MAP2: variants seen among roughly 807,000 people sequenced by gnomAD.
MAP2 encodes the protein microtubule associated protein 2.
A neutral mutation model predicts 137.6 loss-of-function variants in MAP2; 14 were observed. That is an observed-to-expected ratio of 0.10 (90% CI 0.07 to 0.16). The LOEUF is 0.16. Ranked by LOEUF, MAP2 falls within the 10% of genes least tolerant of loss-of-function variation. The pLI, the probability that MAP2 is intolerant of heterozygous loss-of-function variation, is 1.00. For synonymous variants in MAP2, 786 were observed against 782.3 expected (o/e 1.00, Z -0.08); for missense variants, 2,088 against 2,191.5 (o/e 0.95, Z 0.94).
chr2:209,507,091 G>A (rs1468761135), intron 1 of MAP2, among the ~76,000 whole-genome samples: 1 of 152,020 alleles, frequency 6.6e-6, no homozygotes, highest in East Asian at 1.9e-4. Context: ...TCTTTTATAG[G>A]GGCAGTAATC....
At chr2:209,696,473 G>C (rs2060217141) in intron 8 of MAP2, 69 bp from the exon 9 acceptor site, 2 of 1,494,630 alleles carry the variant, frequency 1.3e-6, no homozygotes, top group East Asian at 2.3e-5. Context: ...AATATACAAA[G>C]GATTTTGTAC....
At position 209,695,079 on chromosome 2, in the gene MAP2, A is replaced by G; in HGVS notation, c.2909A>G (p.His970Arg). The G allele has an allele frequency of 6.2e-7, 1 of 1,614,192 alleles. No homozygotes were observed. Among genetic ancestry groups the G allele is most frequent in the Non-Finnish European group, 8.5e-7 (1 of 1,180,032 alleles). Residue 970 changes from histidine (H) to arginine (R), a missense_variant, in exon 8 of 16, where the codon CAT (histidine) becomes CGT (arginine). Around this residue, in one of 6 missense-constraint regions of MAP2, gnomAD observed 500 missense variants for 482.9 expected, o/e 1.04. Transcript: ENST00000682079. The part of the protein sequence containing the change: ...LDTVLEKSEE[H>R]ADSKEHAKKT... ...ACTGTACTAGAAAAGAGTGAAGAAC[A>G]TGCTGATTCAAAAGAACATGCCAAG...
At chr2:209,682,535 C>A (rs1166670654) in intron 7 of MAP2, among the ~76,000 whole-genome samples, 1 of 151,842 alleles carries the variant, frequency 6.6e-6, no homozygotes, top group African/African-American at 2.4e-5. Context: ...GAACAGAAAT[C>A]CAATAAATAA....
chr2:209,500,975 C>G lies in MAP2; in HGVS notation c.-221-6617C>G, dbSNP rs373426021. 2.8e-5 allele frequency among the ~76,000 whole-genome samples: 4 copies of G among 141,350 alleles called. No homozygotes were observed. In the East Asian group the frequency reaches 8.6e-4, roughly 31 times the overall value. 92.7% of individuals were successfully genotyped at this position (141,350 alleles called of 152,430 possible). A position where few individuals can be genotyped will look rare whatever the true frequency, so the allele number is the denominator to read the frequency against. On this transcript the variant is annotated intron_variant, in intron 1 of 15. Coordinates refer to ENST00000682079, the MANE Select transcript of MAP2 (RefSeq NM_001375505.1). ...TCATCTGAGGCTGGGGAGGTCGAGACTGGAGTGAGCCATGATCATTCCAAT... is the reference window on the plus strand; with the variant it reads ...TCATCTGAGGCTGGGGAGGTCGAGAGTGGAGTGAGCCATGATCATTCCAAT...
At chr2:209,659,732 T>TAA (rs200809577) in intron 5 of MAP2, among the ~76,000 whole-genome samples, 51 of 143,614 alleles carry the variant, frequency 3.6e-4, no homozygotes, top group Admixed American at 1.8e-3. Flanking sequence ...TGAACACTAG[T>TAA]AAAAAAAAAA....
At chr2:209,433,248 T>A (rs1272785401) in intron 1 of MAP2, among the ~76,000 whole-genome samples, 2 of 152,046 alleles carry the variant, frequency 1.3e-5, no homozygotes, top group Admixed American at 6.6e-5. Context: ...ACAATAAACA[T>A]ATATAATAGA....
rs1222673534 is a variant in MAP2 at position 209,693,813 on chromosome 2, A to T, written c.1643A>T (p.Glu548Val). 6.2e-7 allele frequency: 1 copy of T among 1,614,088 alleles called. No individual in the cohort carries two copies. Residue 548 changes from glutamate to valine, a missense_variant, in exon 8 of 16, where the codon GAA becomes GTA. This residue lies in a region of MAP2 where 859 missense variants were observed against 794.5 expected (regional missense o/e 1.08). Transcript: ENST00000682079. ...AGAGTTGATGACAAAGATAAGATTGAAGGAGTTGGAGCTGCAACATCAGCT... is the reference window on the plus strand; with the variant it reads ...AGAGTTGATGACAAAGATAAGATTGTAGGAGTTGGAGCTGCAACATCAGCT... ...EMRVDDKDKIEGVGAATSAEL... is the reference protein window; with the variant it reads ...EMRVDDKDKIVGVGAATSAEL...
intron 3 of MAP2, among the ~76,000 whole-genome samples, chr2:209,591,308 G>A (rs1432900206): frequency 9.2e-5 from 14 of 152,190 alleles, no homozygotes; most frequent in Non-Finnish European, 2.9e-5. Flanking sequence ...GACATCTAAT[G>A]ATTAGAGGTG....
At chr2:209,441,739 C>T (rs993745795) in intron 1 of MAP2, among the ~76,000 whole-genome samples, 2 of 151,614 alleles carry the variant, frequency 1.3e-5, no homozygotes, top group African/African-American at 4.8e-5. Context: ...ACACAACCCA[C>T]TGATTGTCTA....
rs560750629 is a variant in MAP2, at chr2:209,621,152, G to A, written c.-106-3901G>A. 3.3e-5 allele frequency among the ~76,000 whole-genome samples: 5 copies of A among 151,226 alleles called. No homozygotes were observed. In the East Asian group the frequency reaches 1.0e-3, roughly 30 times the overall value. The stretch of plus-strand genomic sequence containing the variant: ...GGAGGTTGCAGTGAGCCGAGATCAC[G>A]CCATTGCACTCTAGCCTGGCAGCCT... On this transcript the variant is annotated intron_variant, in intron 3 of 15. Transcript: ENST00000682079.
At position 209,695,347 on chromosome 2, in the gene MAP2, G is replaced by A. The variant is rs202114371; in HGVS notation, c.3177G>A (p.Gly1059=). The stretch of plus-strand genomic sequence containing the variant: ...GTGACTTTGGACAGATGGCTTCAGG[G>A]CTAAACATAGATGATAGAAGGGCAA... ...KISDFGQMAS[G]LNIDDRRATE... Residue 1059 remains glycine (G), a synonymous_variant, in exon 8 of 16, where the codon GGG becomes GGA. Coordinates refer to ENST00000682079, the MANE Select transcript of MAP2 (RefSeq NM_001375505.1). 61 of 1,613,936 alleles carry A rather than the reference G, an allele frequency of 3.8e-5. 1 individual carries two copies. The highest frequency in any genetic ancestry group is 1.7e-4 in the Middle Eastern group (1 of 6,056).
At position 209,653,280 on chromosome 2, in the gene MAP2, C is replaced by T. The variant is rs1369482394; in HGVS notation, c.110C>T (p.Ala37Val). ...HPPEIKDQGG[A>V]GEGLVRSANG... ...CCTGAGATTAAGGATCAAGGCGGAG[C>T]AGGGGAAGGACTTGTCCGAAGCGCC... is the stretch of plus-strand genomic sequence containing the variant. The change falls in exon 5 of 16, where the codon GCA becomes GTA. Residue 37 changes from alanine to valine, a missense_variant. Transcript: ENST00000682079. 8.7e-6 allele frequency: 14 copies of T among 1,614,022 alleles called. No homozygotes were observed. Among genetic ancestry groups the T allele is most frequent in the African/African-American group, 1.3e-5 (1 of 74,926 alleles).
intron 1 of MAP2, among the ~76,000 whole-genome samples, chr2:209,434,777 G>T (rs1695244964): frequency 6.8e-6 from 1 of 148,134 alleles, no homozygotes; most frequent in Non-Finnish European, 1.5e-5. Context: ...AGCTATGATT[G>T]TGCCACTGTA....
intron 12 of MAP2, among the ~76,000 whole-genome samples, 159 bp from the exon 13 acceptor site, chr2:209,709,755 G>C (rs534724718): frequency 1.3e-5 from 2 of 152,214 alleles, no homozygotes; most frequent in East Asian, 3.9e-4. Context: ...CCTGATTTCA[G>C]AAACGAGACT....
intron 3 of MAP2, among the ~76,000 whole-genome samples, chr2:209,614,470 T>C (rs1286083759): frequency 5.3e-5 from 8 of 152,282 alleles, no homozygotes; most frequent in Middle Eastern, 3.4e-3. Flanking sequence ...ATCATGTATA[T>C]TTCCAAGATT....
At chr2:209,595,793 A>C (rs2081118525) in intron 3 of MAP2, among the ~76,000 whole-genome samples, 1 of 152,256 alleles carries the variant, frequency 6.6e-6, no homozygotes, top group Non-Finnish European at 1.5e-5. Flanking sequence ...GGATGAGTTC[A>C]TGTCCTTTGC....
At chr2:209,696,521 A>G (rs2060233064) in intron 8 of MAP2, 21 bp from the exon 9 acceptor site, 5 of 1,583,504 alleles carry the variant, frequency 3.2e-6, no homozygotes, top group Non-Finnish European at 4.3e-6. Flanking sequence ...TGTTGTTGTC[A>G]TGATTTGCTT....
intron 1 of MAP2, among the ~76,000 whole-genome samples, chr2:209,502,803 T>C (rs1259921886): frequency 2.0e-5 from 3 of 152,154 alleles, no homozygotes; most frequent in Non-Finnish European, 4.4e-5. Context: ...AGCTATCTCA[T>C]TGTGGTTTTG....
At chr2:209,455,142 A>G (rs1234359510) in intron 1 of MAP2, among the ~76,000 whole-genome samples, 2 of 152,298 alleles carry the variant, frequency 1.3e-5, no homozygotes, top group Admixed American at 6.5e-5. Context: ...AAATACCATC[A>G]CATTGGAGGT....
Sources: gnomAD v4.1 joint callset for allele counts (sites outside exome capture counted in the v4.1 genomes callset) on GRCh38, gnomAD v4.1.1 for gene constraint, gnomAD v4.1.1 regional missense constraint, MANE v1.5 for transcripts, NCBI Gene and HGNC (gene_info 2026-07-23, HGNC 2026-07-21) for gene names.